ADAMTS12: variants seen among roughly 807,000 people sequenced by gnomAD.
The protein encoded by ADAMTS12 is A disintegrin and metalloproteinase with thrombospondin motifs 12.
ADAMTS12 carries 118 observed loss-of-function variants against 167.8 expected under a neutral mutation model. The observed-to-expected ratio is 0.70, with a 90% CI of 0.61 to 0.82. The LOEUF (loss-of-function observed/expected upper bound fraction) is 0.82, where lower values mean the gene tolerates loss of function less well. Among genes scored for constraint, ADAMTS12 ranks in the 40% least tolerant of loss-of-function variants. ADAMTS12 has a pLI of 0.00. For synonymous variants in ADAMTS12, 704 were observed against 716.9 expected, an observed-to-expected ratio of 0.98 and a Z score of 0.29; for missense variants, 1,916 against 1,998.8, an observed-to-expected ratio of 0.96 and a Z score of 0.79.
intron 2 of ADAMTS12, among the ~76,000 whole-genome samples, chr5:33,864,061 G>A (rs1333772433): frequency 6.6e-6 from 1 of 151,976 alleles, no homozygotes; most frequent in Non-Finnish European, 1.5e-5. Flanking sequence ...AACTCAAGAT[G>A]GATTAAAGAC....
intron 3 of ADAMTS12, among the ~76,000 whole-genome samples, chr5:33,691,343 C>A (rs972276334): frequency 6.6e-6 from 1 of 152,126 alleles, no homozygotes; most frequent in Non-Finnish European, 1.5e-5. Flanking sequence ...TGAAAAAATA[C>A]AACTTTTAGG....
intron 2 of ADAMTS12, among the ~76,000 whole-genome samples, chr5:33,867,574 T>C (rs1388812148): frequency 8.5e-5 from 13 of 152,086 alleles, no homozygotes; most frequent in African/African-American, 2.7e-4. Context: ...AATTCATCTA[T>C]GTAACCAAAA....
At chr5:33,599,601 G>C (rs1738086328) in intron 16 of ADAMTS12, among the ~76,000 whole-genome samples, 1 of 152,024 alleles carries the variant, frequency 6.6e-6, no homozygotes, top group African/African-American at 2.4e-5. Context: ...ACTGTTAATG[G>C]GCAGGGGCAG....
At chr5:33,858,374 A>G (rs1349254859) in intron 2 of ADAMTS12, among the ~76,000 whole-genome samples, 1 of 152,244 alleles carries the variant, frequency 6.6e-6, no homozygotes, top group Non-Finnish European at 1.5e-5. Flanking sequence ...GAAAAGGACA[A>G]GTCCAGGTGT....
At chr5:33,751,641 T>A (rs1579905284) in intron 2 of ADAMTS12, 93 bp from the exon 3 acceptor site, 2 of 1,268,492 alleles carry the variant, frequency 1.6e-6, no homozygotes, top group Non-Finnish European at 2.2e-6. Context: ...TGAGTATCTC[T>A]GAAACTCCTA....
chr5:33,857,324 T>C (rs1292135680), intron 2 of ADAMTS12, among the ~76,000 whole-genome samples: 1 of 152,126 alleles, frequency 6.6e-6, no homozygotes. Flanking sequence ...GATGATTAAT[T>C]TCTAGAGATC....
At chr5:33,625,099 G>A (rs1386462181) in intron 13 of ADAMTS12, among the ~76,000 whole-genome samples, 1 of 152,116 alleles carries the variant, frequency 6.6e-6, no homozygotes, top group African/African-American at 2.4e-5. Flanking sequence ...TCCCACCTCA[G>A]CCTTCTGAGT....
intron 2 of ADAMTS12, among the ~76,000 whole-genome samples, chr5:33,827,712 T>TAGAC (rs1356345702): frequency 4.3e-4 from 8 of 18,782 alleles, no homozygotes; most frequent in East Asian, 2.7e-3. Flanking sequence ...GAAAACAAAA[T>TAGAC]AGATAGATAG....
chr5:33,701,861 C>T (rs765990192), intron 3 of ADAMTS12, among the ~76,000 whole-genome samples: 39 of 152,192 alleles, frequency 2.6e-4, no homozygotes, highest in Non-Finnish European at 4.6e-4. Flanking sequence ...CCATTGCCTG[C>T]CTTAAGCTGT....
chr5:33,687,173 T>A (rs945894986), intron 3 of ADAMTS12, among the ~76,000 whole-genome samples: 1 of 151,874 alleles, frequency 6.6e-6, no homozygotes, highest in African/African-American at 2.4e-5. Flanking sequence ...TAAACAGTCA[T>A]ATAGGAGGAA....
At chr5:33,604,643 C>CCTA (rs1232334528) in intron 16 of ADAMTS12, among the ~76,000 whole-genome samples, 1 of 151,562 alleles carries the variant, frequency 6.6e-6, no homozygotes, top group Non-Finnish European at 1.5e-5. Context: ...GCTCAGCCGA[C>CCTA]CTACCTGCTG....
chr5:33,566,253 G>A (rs569464612), intron 19 of ADAMTS12, among the ~76,000 whole-genome samples: 1 of 152,236 alleles, frequency 6.6e-6, no homozygotes, highest in East Asian at 1.9e-4. Context: ...CTTGAGGCCA[G>A]GAGTTCCAGA....
intron 9 of ADAMTS12, among the ~76,000 whole-genome samples, chr5:33,645,022 A>ACG (rs1740608667): frequency 6.6e-6 from 1 of 151,850 alleles, no homozygotes; most frequent in South Asian, 2.1e-4. Flanking sequence ...AAGCCACCGT[A>ACG]CCCGGCCTAG....
At chr5:33,890,953 G>C (rs1750820542) in intron 1 of ADAMTS12, among the ~76,000 whole-genome samples, 1 of 152,106 alleles carries the variant, frequency 6.6e-6, no homozygotes, top group South Asian at 2.1e-4. Context: ...GCTGCTGCTA[G>C]GACTGTTTAC....
chr5:33,612,918 T>G (rs889816711), intron 16 of ADAMTS12, among the ~76,000 whole-genome samples: 2 of 152,224 alleles, frequency 1.3e-5, no homozygotes, highest in Admixed American at 1.3e-4. Context: ...TTTATTCTTA[T>G]GAATTCTAAA....
At chr5:33,571,435 A>G (rs1278788064) in intron 19 of ADAMTS12, among the ~76,000 whole-genome samples, 1 of 152,216 alleles carries the variant, frequency 6.6e-6, no homozygotes, top group African/African-American at 2.4e-5. Context: ...ACTCAGGATT[A>G]AGAAACTCCC....
chr5:33,712,145 T>C (rs1298013843), intron 3 of ADAMTS12, among the ~76,000 whole-genome samples: 1 of 152,154 alleles, frequency 6.6e-6, no homozygotes, highest in Non-Finnish European at 1.5e-5. Flanking sequence ...ACTTGATGCA[T>C]AAACCACATG....
At chr5:33,702,298 G>T (rs1743030938) in intron 3 of ADAMTS12, among the ~76,000 whole-genome samples, 1 of 152,158 alleles carries the variant, frequency 6.6e-6, no homozygotes, top group Non-Finnish European at 1.5e-5. Context: ...ATCTCTACCA[G>T]GGTATTATTT....
At chr5:33,770,351 T>C (rs1376013729) in intron 2 of ADAMTS12, among the ~76,000 whole-genome samples, 1 of 152,146 alleles carries the variant, frequency 6.6e-6, no homozygotes, top group Non-Finnish European at 1.5e-5. Flanking sequence ...CTCCATTTTT[T>C]CTCACTATTT....
Sources: allele counts gnomAD v4.1 joint callset (sites outside exome capture counted in the v4.1 genomes callset), GRCh38; gene constraint gnomAD v4.1.1; transcripts MANE v1.5; gene names NCBI Gene and HGNC (gene_info 2026-07-23, HGNC 2026-07-21).